FMN1: variants seen among roughly 807,000 people sequenced by gnomAD.
The protein encoded by FMN1 is formin 1, also known as formin-1.
In FMN1, 110 loss-of-function variants were observed where a neutral mutation model predicts 132.4. That is an observed-to-expected ratio of 0.83 (90% CI 0.71 to 0.97). The LOEUF is 0.97. Ranked by LOEUF, FMN1 falls within the 50% of genes least tolerant of loss-of-function variation. The probability of loss-of-function intolerance (pLI) is 0.00; values close to 1 mark genes in which losing one functional copy is unlikely to be tolerated. For missense variants in FMN1, 1,792 were observed against 1,705.3 expected (o/e 1.05, Z -0.90); for synonymous variants, 722 against 651.7 (o/e 1.11, Z -1.64).
intron 14 of FMN1, among the ~76,000 whole-genome samples, chr15:32,899,121 C>A (rs1391989644): frequency 6.6e-6 from 1 of 151,014 alleles, no homozygotes; most frequent in Non-Finnish European, 1.5e-5. Context: ...AACAGATAAT[C>A]CATAAAACTT....
chr15:32,782,093 A>G (rs183278601), intron 19 of FMN1, among the ~76,000 whole-genome samples: 88 of 152,306 alleles, frequency 5.8e-4, no homozygotes, highest in African/African-American at 2.0e-3. Context: ...TCTTTTCTTA[A>G]ATGACAAAGC....
chr15:32,908,500 TATCCAGC>T lies in FMN1; in HGVS notation c.3360_3366del (p.Leu1121AsnfsTer9). ...GTTAAGTATCCTTACTGCTCAGGTT[TATCCAGC>T]AGCTTCAGTTCTTCTTCTTTGGATG... On this transcript the variant is annotated frameshift_variant, in exon 12 of 21. Transcript: ENST00000616417. LOFTEE classifies it high-confidence loss of function. 1 of 1,610,126 alleles carries T rather than the reference TATCCAGC, an allele frequency of 6.2e-7. No homozygotes were observed.
At chr15:32,885,556 T>A (rs2059877123) in intron 16 of FMN1, among the ~76,000 whole-genome samples, 2 of 152,210 alleles carry the variant, frequency 1.3e-5, no homozygotes, top group African/African-American at 4.8e-5. Context: ...AAAAATAGTA[T>A]CTGCCTCACA....
chr15:32,942,783 CA>C (rs1183551037), intron 9 of FMN1, among the ~76,000 whole-genome samples: 1 of 152,148 alleles, frequency 6.6e-6, no homozygotes, highest in Non-Finnish European at 1.5e-5. Flanking sequence ...GGCAAATAAG[CA>C]GAGAGTTTTT....
intron 17 of FMN1, among the ~76,000 whole-genome samples, chr15:32,808,516 G>A (rs953381736): frequency 6.6e-6 from 1 of 152,216 alleles, no homozygotes; most frequent in African/African-American, 2.4e-5. Context: ...AGAGGAAAGA[G>A]CTTGGGTTTT....
chr15:33,168,975 A>C (rs1965214272), intron 3 of FMN1, among the ~76,000 whole-genome samples: 1 of 152,180 alleles, frequency 6.6e-6, no homozygotes, highest in Admixed American at 6.5e-5. Context: ...CTGCTCTGGG[A>C]ACTCCCCATT....
At chr15:32,823,406 C>T (rs924206955) in intron 17 of FMN1, among the ~76,000 whole-genome samples, 3 of 151,956 alleles carry the variant, frequency 2.0e-5, no homozygotes, top group Non-Finnish European at 2.9e-5. Context: ...CCTCGTGATC[C>T]GCCCACCTTG....
At chr15:33,055,321 T>C (rs867099552) in intron 6 of FMN1, among the ~76,000 whole-genome samples, 69 of 152,310 alleles carry the variant, frequency 4.5e-4, no homozygotes, top group Admixed American at 1.1e-3. Context: ...CCCTTCGAGT[T>C]GTCCTACCCT....
chr15:33,120,926 G>A (rs1404833112), intron 4 of FMN1, among the ~76,000 whole-genome samples: 1 of 152,006 alleles, frequency 6.6e-6, no homozygotes, highest in Non-Finnish European at 1.5e-5. Context: ...ACTACTTATA[G>A]TACAGTAAGC....
chr15:33,169,303 T>C (rs1965225857), intron 3 of FMN1, among the ~76,000 whole-genome samples: 1 of 152,230 alleles, frequency 6.6e-6, no homozygotes, highest in Non-Finnish European at 1.5e-5. Context: ...ACGCTGCTTC[T>C]AGAAATCTAC....
chr15:32,951,863 A>G (rs12905590), intron 9 of FMN1, among the ~76,000 whole-genome samples: 24,691 of 152,100 alleles, frequency 0.16, 2,607 homozygotes, highest in African/African-American at 0.3. Flanking sequence ...GCCCTACCAC[A>G]CTACCACCTT....
chr15:32,872,097 GCTA>G (rs1367660643), intron 16 of FMN1, among the ~76,000 whole-genome samples: 4 of 149,714 alleles, frequency 2.7e-5, no homozygotes, highest in Non-Finnish European at 5.9e-5. Flanking sequence ...TGTAAATTAT[GCTA>G]CTGTCAGCAC....
At chr15:32,973,827 T>C (rs985033448) in intron 7 of FMN1, among the ~76,000 whole-genome samples, 5 of 152,228 alleles carry the variant, frequency 3.3e-5, no homozygotes, top group African/African-American at 1.2e-4. Context: ...GGAAAGCTAA[T>C]CTTTAAACAC....
At chr15:33,094,438 A>G (rs894524970) in intron 4 of FMN1, among the ~76,000 whole-genome samples, 1 of 152,228 alleles carries the variant, frequency 6.6e-6, no homozygotes, top group Non-Finnish European at 1.5e-5. Flanking sequence ...AGAGAAGATA[A>G]GGAGAATAAC....
intron 4 of FMN1, among the ~76,000 whole-genome samples, chr15:33,103,045 C>T (rs551611539): frequency 6.6e-6 from 1 of 152,004 alleles, no homozygotes; most frequent in East Asian, 1.9e-4. Context: ...TTCTCCAGTA[C>T]CAGGCACTCC....
chr15:33,044,736 C>T (rs2036599030), intron 6 of FMN1, among the ~76,000 whole-genome samples: 1 of 152,146 alleles, frequency 6.6e-6, no homozygotes, highest in African/African-American at 2.4e-5. Context: ...AGCTACACAC[C>T]CAAGGGTCTT....
At chr15:33,048,755 A>G (rs987870344) in intron 6 of FMN1, among the ~76,000 whole-genome samples, 3 of 152,092 alleles carry the variant, frequency 2.0e-5, no homozygotes, top group African/African-American at 7.2e-5. Flanking sequence ...GCGGCAGGCA[A>G]AGAGAGAGTT....
At chr15:33,003,762 C>G (rs2034252019) in intron 7 of FMN1, among the ~76,000 whole-genome samples, 1 of 152,208 alleles carries the variant, frequency 6.6e-6, no homozygotes, top group African/African-American at 2.4e-5. Context: ...AAGAACAAAG[C>G]TGGAGGCATC....
Position 33,038,400 on chromosome 15 carries a change from A to G in FMN1, c.2161+26557T>C, listed in dbSNP as rs185725134. On this transcript the variant is annotated intron_variant, in intron 6 of 20. Transcript: ENST00000616417. ...TTACATGGTTCTTTTTCATCCCTTC[A>G]AACGTTTCAATTTTATTTTTTTCCA... 2.2e-4 allele frequency among the ~76,000 whole-genome samples: 33 copies of G among 152,284 alleles called. 1 individual carries two copies. Among genetic ancestry groups the G allele is most frequent in the Admixed American group, 2.2e-3 (33 of 15,282 alleles).
Sources: gnomAD v4.1 joint callset for allele counts (sites outside exome capture counted in the v4.1 genomes callset) on GRCh38, gnomAD v4.1.1 for gene constraint, MANE v1.5 for transcripts, NCBI Gene and HGNC (gene_info 2026-07-23, HGNC 2026-07-21) for gene names.